GLRA2: variants seen among roughly 807,000 people sequenced by gnomAD.
GLRA2 encodes glycine receptor alpha 2, also known as glycine receptor subunit alpha-2.
GLRA2 carries 11 observed loss-of-function variants against 31.6 expected under a neutral mutation model. The ratio of observed to expected loss-of-function variants is 0.35; its 90% CI spans 0.22 to 0.58. The LOEUF is 0.58. GLRA2 is among the 20% of genes least tolerant of loss of function. The pLI is 0.84. For missense variants in GLRA2, 212 were observed against 351.8 expected, an observed-to-expected ratio of 0.60 and a Z score of 3.18; for synonymous variants, 132 against 134.0, an observed-to-expected ratio of 0.99 and a Z score of 0.10.
At chrX:14,453,882 A>G in the GLRA2 span, among the ~76,000 whole-genome samples, 4 of 112,019 alleles carry the variant, frequency 3.6e-5, no homozygotes, top group African/African-American at 1.3e-4. Flanking sequence ...CAATTGATAC[A>G]CACAACAACT....
At chrX:14,551,663 A>T (rs1007497091) in intron 2 of GLRA2, among the ~76,000 whole-genome samples, 1 of 111,920 alleles carries the variant, frequency 8.9e-6, no homozygotes, top group African/African-American at 3.2e-5. Flanking sequence ...ATGCTATGAT[A>T]TACCAAAAAC....
At chrX:14,485,757 G>A in the GLRA2 span, among the ~76,000 whole-genome samples, 29 of 111,554 alleles carry the variant, frequency 2.6e-4, no homozygotes, top group African/African-American at 9.1e-4. Context: ...CATTGGCCTC[G>A]TAATTGGTCC....
the GLRA2 span, among the ~76,000 whole-genome samples, chrX:14,487,387 TAAAAAAAAAAAA>T: frequency 2.9e-4 from 8 of 27,946 alleles, no homozygotes; most frequent in South Asian, 4.1e-3. Context: ...TGGTTTTCTG[TAAAAAAAAAAAA>T]AAAAAAAAAA....
intron 7 of GLRA2, among the ~76,000 whole-genome samples, chrX:14,623,777 C>T (rs150547540): frequency 0.022 from 2,435 of 111,281 alleles, 44 homozygotes; most frequent in African/African-American, 0.056. Flanking sequence ...ATTTTTGCAT[C>T]GATGTTCATC....
chrX:14,467,443 T>C, the GLRA2 span, among the ~76,000 whole-genome samples: 1 of 112,067 alleles, frequency 8.9e-6, no homozygotes, highest in South Asian at 3.7e-4. Flanking sequence ...TGTATTGTCA[T>C]ACCAAAATGC....
rs1198761562 is a variant in GLRA2 at position 14,575,218 on chromosome X, T to G, written c.270+818T>G. 4.1e-5 allele frequency among the ~76,000 whole-genome samples: 4 copies of G among 97,413 alleles called. No individual in the cohort carries two copies. The East Asian group carries it at 1.2e-3, about 29-fold the overall frequency. 84.6% of individuals were successfully genotyped at this position (97,413 alleles called of 115,157 possible). On this transcript the variant is annotated intron_variant, in intron 3 of 8. Coordinates refer to ENST00000218075, the MANE Select transcript of GLRA2 (RefSeq NM_002063.4). ...TACCAGTGCATTTTTTTTTTTTTTTTGAGATGGAGTCTCTCTCTGTCACCC... is the reference window on the plus strand; with the variant it reads ...TACCAGTGCATTTTTTTTTTTTTTTGGAGATGGAGTCTCTCTCTGTCACCC...
the GLRA2 span, among the ~76,000 whole-genome samples, chrX:14,518,854 A>T: frequency 1.9e-5 from 2 of 106,138 alleles, no homozygotes; most frequent in African/African-American, 6.9e-5. Context: ...ACTGAAAAAA[A>T]AAAAAAAATT....
intron 8 of GLRA2, among the ~76,000 whole-genome samples, chrX:14,708,156 C>G (rs974750065): frequency 5.4e-5 from 6 of 111,608 alleles, no homozygotes; most frequent in African/African-American, 2.0e-4. Context: ...TATCCCTTGA[C>G]CAACATCTTC....
the GLRA2 span, among the ~76,000 whole-genome samples, chrX:14,498,594 ACTTTT>A: frequency 6.3e-5 from 7 of 111,395 alleles, no homozygotes; most frequent in African/African-American, 6.5e-5. Context: ...CACCTTAAAT[ACTTTT>A]CTTTATGATA....
At chrX:14,559,322 G>T (rs990905328) in intron 2 of GLRA2, among the ~76,000 whole-genome samples, 7 of 109,348 alleles carry the variant, frequency 6.4e-5, no homozygotes, top group Non-Finnish European at 1.1e-4. Context: ...AACCATTTGC[G>T]TATGAGTTGA....
chrX:14,574,610 A>G (rs2089928395), intron 3 of GLRA2: 1 of 907,911 alleles, frequency 1.1e-6, no homozygotes, highest in African/African-American at 1.9e-5. Flanking sequence ...GGGATGTGGG[A>G]TTGAAGTGCA....
chrX:14,581,478 G>A, intron 4 of GLRA2, 72 bp downstream of exon 4: 1 of 592,309 alleles, frequency 1.7e-6, no homozygotes, highest in South Asian at 2.6e-5. Flanking sequence ...GATTCTGCAG[G>A]GTAGGATGTA....
At chrX:14,687,437 A>G (rs2091291598) in intron 7 of GLRA2, among the ~76,000 whole-genome samples, 1 of 112,114 alleles carries the variant, frequency 8.9e-6, no homozygotes, top group Non-Finnish European at 1.9e-5. Context: ...ACTTTCAGGT[A>G]CACCAATCAG....
At chrX:14,508,963 G>T in the GLRA2 span, among the ~76,000 whole-genome samples, 1 of 111,411 alleles carries the variant, frequency 9.0e-6, no homozygotes, top group Non-Finnish European at 1.9e-5. Context: ...GTGGCCCTAG[G>T]ATATCTAATC....
intron 4 of GLRA2, among the ~76,000 whole-genome samples, chrX:14,582,583 T>C (rs1179716496): frequency 9.0e-6 from 1 of 111,528 alleles, no homozygotes; most frequent in Admixed American, 9.6e-5. Context: ...TTCATGAGTA[T>C]AGCATAAAAA....
At position 14,644,436 on chromosome X, in the gene GLRA2, C is replaced by T. The variant is rs1439277000; in HGVS notation, c.930+35231C>T. Among the ~76,000 whole-genome samples, 7 of 111,374 alleles carry T rather than the reference C, an allele frequency of 6.3e-5. No homozygotes were observed. In the Admixed American group the frequency reaches 6.7e-4, roughly 11 times the overall value. On this transcript the variant is annotated intron_variant, in intron 7 of 8. Transcript: ENST00000218075. The stretch of plus-strand genomic sequence containing the variant: ...GGCAATCTAGATATTTAGAAAATCC[C>T]TCTTTCAGAGACTATGCTAAGCTTT...
chrX:14,497,338 T>G, the GLRA2 span, among the ~76,000 whole-genome samples: 1 of 111,928 alleles, frequency 8.9e-6, no homozygotes, highest in Admixed American at 9.5e-5. Flanking sequence ...AAAGTGAAAG[T>G]AGAGGGAACA....
chrX:14,700,671 G>A (rs773303429), intron 8 of GLRA2, among the ~76,000 whole-genome samples: 7 of 111,304 alleles, frequency 6.3e-5, no homozygotes, highest in Admixed American at 9.6e-5. Flanking sequence ...TTTAGGCAGT[G>A]TAGTAGTGAA....
intron 2 of GLRA2, among the ~76,000 whole-genome samples, chrX:14,564,695 A>T (rs1241499498): frequency 8.9e-6 from 1 of 112,342 alleles, no homozygotes; most frequent in Non-Finnish European, 1.9e-5. Flanking sequence ...CAACAAAAAC[A>T]TAAAGGAGAG....
Sources: gnomAD v4.1 joint callset for allele counts (sites outside exome capture counted in the v4.1 genomes callset) on GRCh38, gnomAD v4.1.1 for gene constraint, MANE v1.5 for transcripts, NCBI Gene and HGNC (gene_info 2026-07-23, HGNC 2026-07-21) for gene names.